The following MAP3K15 variants were observed in gnomAD, a reference collection of about 807,000 sequenced individuals.
The protein encoded by MAP3K15 is mitogen-activated protein kinase kinase kinase 15.
In MAP3K15, 124 loss-of-function variants were observed where a neutral mutation model predicts 99.5. The ratio of observed to expected loss-of-function variants is 1.25; its 90% CI spans 1.08 to 1.45. MAP3K15 has a LOEUF of 1.45. MAP3K15 is among the 40% of genes most tolerant of loss of function. The probability of loss-of-function intolerance (pLI) is 0.00; values close to 1 mark genes in which losing one functional copy is unlikely to be tolerated. For synonymous variants in MAP3K15, 494 were observed against 439.6 expected (o/e 1.12, Z -1.55); for missense variants, 1,242 against 1,079.7 (o/e 1.15, Z -2.11).
chrX:19,442,408 T>G (rs946187617), intron 6 of MAP3K15, among the ~76,000 whole-genome samples: 1 of 111,949 alleles, frequency 8.9e-6, no homozygotes, highest in Non-Finnish European at 1.9e-5. Flanking sequence ...ACGTTTACTT[T>G]CTACTACCAA....
At position 19,496,066 on chromosome X, in the gene MAP3K15, AT is replaced by A. The variant is rs374380661; in HGVS notation, c.362-7100del. Reference sequence around the variant, plus strand: ...GGCAGCCAGTGAACACATCACCCCAATTTTTTTTTTTTTTTTTTGAGATGGA... The same window carrying A: ...GGCAGCCAGTGAACACATCACCCCAATTTTTTTTTTTTTTTTTGAGATGGA... On this transcript the variant is annotated intron_variant, in intron 1 of 28. Coordinates refer to ENST00000338883, the MANE Select transcript of MAP3K15 (RefSeq NM_001001671.4). Among the ~76,000 whole-genome samples the A allele has an allele frequency of 0.01, 931 of 91,506 alleles. 31 individuals are homozygous for A. In the East Asian group the frequency reaches 0.13, roughly 12 times the overall value. The allele number at this position is 91,506 out of a possible 115,157, so 79.5% of individuals were successfully genotyped here. A position where few individuals can be genotyped will look rare whatever the true frequency, so the allele number is the denominator to read the frequency against.
At chrX:19,375,041 G>A (rs1165013212) in intron 19 of MAP3K15, among the ~76,000 whole-genome samples, 4 of 112,046 alleles carry the variant, frequency 3.6e-5, no homozygotes, top group Non-Finnish European at 7.5e-5. Flanking sequence ...CCATGAGGGA[G>A]GGGCCTCTCA....
At chrX:19,484,816 G>A (rs758956190) in intron 3 of MAP3K15, among the ~76,000 whole-genome samples, 1 of 111,911 alleles carries the variant, frequency 8.9e-6, no homozygotes, top group East Asian at 2.8e-4. Flanking sequence ...GATGTTGAGG[G>A]CTAGAAGGTA....
chrX:19,379,441 CTTTTTT>C (rs770431394), intron 19 of MAP3K15, among the ~76,000 whole-genome samples: 16 of 62,319 alleles, frequency 2.6e-4, no homozygotes, highest in African/African-American at 7.7e-4. Context: ...AGTGTTTTTC[CTTTTTT>C]TTTTTTTTTT....
chrX:19,389,296 G>C (rs2063511582), intron 18 of MAP3K15, among the ~76,000 whole-genome samples: 1 of 95,228 alleles, frequency 1.1e-5, no homozygotes, highest in Non-Finnish European at 2.0e-5. Flanking sequence ...CCTCGATAAG[G>C]CTGCTAAAAA....
intron 25 of MAP3K15, among the ~76,000 whole-genome samples, chrX:19,367,723 ATTTTTTTTTTTTTTTTTTTTTTTTTTTT>A (rs748998915): frequency 7.9e-4 from 19 of 24,141 alleles, no homozygotes; most frequent in African/African-American, 9.1e-4. Flanking sequence ...ATAACTATGG[ATTTTTTTTTTTTTTTTTTTTTTTTTTTT>A]TTTTTTTTTT....
rs751331619 is a variant in MAP3K15 at position 19,372,824 on chromosome X, A to G, written c.2937T>C (p.Val979=). 1.5e-5 allele frequency: 18 copies of G among 1,206,757 alleles called. No homozygotes were observed. The highest frequency in any genetic ancestry group is 2.0e-5 in the Non-Finnish European group (18 of 892,710). Residue 979 remains valine, a synonymous_variant, in exon 22 of 29, where the codon GTT becomes GTC. Transcript: ENST00000338883. The part of the protein sequence containing the change: ...PRHHLGHLLS[V]PDESSALEDR... ...CTTCCAAGGCTGAGCTCTCGTCTGG[A>G]ACACTGTGGACAAACACGTGTGACA...
intron 3 of MAP3K15, among the ~76,000 whole-genome samples, chrX:19,476,535 T>C (rs960111663): frequency 3.6e-5 from 4 of 112,187 alleles, no homozygotes; most frequent in Admixed American, 9.4e-5. Context: ...TCAACAGATA[T>C]AATTATTTGT....
intron 18 of MAP3K15, among the ~76,000 whole-genome samples, chrX:19,380,586 C>T (rs1004779870): frequency 2.7e-5 from 3 of 111,132 alleles, no homozygotes; most frequent in African/African-American, 9.8e-5. Context: ...AGTGCAGTGG[C>T]GTGATCTCGG....
intron 9 of MAP3K15, among the ~76,000 whole-genome samples, chrX:19,417,730 G>A (rs776601425): frequency 8.9e-6 from 1 of 112,053 alleles, no homozygotes; most frequent in South Asian, 3.7e-4. Flanking sequence ...ATCTGAGAAT[G>A]GACAGACTGC....
chrX:19,415,641 T>G (rs964925514), intron 9 of MAP3K15, among the ~76,000 whole-genome samples: 5 of 111,080 alleles, frequency 4.5e-5, no homozygotes, highest in African/African-American at 1.6e-4. Context: ...TTTTTCCCAA[T>G]AGATACATTG....
intron 1 of MAP3K15, chrX:19,497,733 T>C (rs2064416272): frequency 9.0e-6 from 1 of 111,269 alleles, no homozygotes; most frequent in African/African-American, 3.3e-5. Flanking sequence ...TGATGCAACA[T>C]GGCTGGCATT....
intron 1 of MAP3K15, among the ~76,000 whole-genome samples, chrX:19,508,956 G>A (rs957835739): frequency 1.8e-4 from 20 of 111,364 alleles, no homozygotes; most frequent in African/African-American, 6.5e-4. Context: ...ACACAAATGG[G>A]ACATGCCCTG....
chrX:19,466,832 C>G (rs1211509029), intron 3 of MAP3K15: 1 of 111,720 alleles, frequency 9.0e-6, no homozygotes, highest in Non-Finnish European at 1.9e-5. Flanking sequence ...TTCCCAGATC[C>G]TATCCCCAGA....
In MAP3K15 at chrX:19,433,186, T is replaced by C. The variant is rs147052793; in HGVS notation, c.996-1578A>G. 1.8e-3 allele frequency among the ~76,000 whole-genome samples: 198 copies of C among 111,455 alleles called. 2 individuals carry two copies. The highest frequency in any genetic ancestry group is 0.014 in the Middle Eastern group (3 of 218). On this transcript the variant is annotated intron_variant, in intron 6 of 28. Transcript: ENST00000338883. Reference sequence around the variant, plus strand: ...TGGATATGGGGTAGATGGGGGTTTATTATTGTGATGGTTAATTTTATGTGT... The same window carrying C: ...TGGATATGGGGTAGATGGGGGTTTACTATTGTGATGGTTAATTTTATGTGT...
intron 16 of MAP3K15, among the ~76,000 whole-genome samples, chrX:19,394,789 CTTTTTT>C (rs144723219): frequency 1.1e-3 from 20 of 17,503 alleles, no homozygotes; most frequent in Admixed American, 2.2e-3. Flanking sequence ...GGGTCTGTTG[CTTTTTT>C]TTTTTTTTTT....
At position 19,391,251 on chromosome X, in the gene MAP3K15, C is replaced by T. The variant is rs2063525102; in HGVS notation, c.2431+751G>A. On this transcript the variant is annotated intron_variant, in intron 18 of 28. Coordinates refer to ENST00000338883, the MANE Select transcript of MAP3K15 (RefSeq NM_001001671.4). ...GTAACAGGCTATTTTTATGACAGAC[C>T]AATAAAATGTCTTAATCAGTTGTCT... 2.7e-5 allele frequency among the ~76,000 whole-genome samples: 3 copies of T among 111,923 alleles called. No homozygotes were observed. In the Admixed American group the frequency reaches 2.8e-4, roughly 11 times the overall value.
chrX:19,450,887 CAA>C lies in MAP3K15; in HGVS notation c.995+6024_995+6025del, dbSNP rs147599064. On this transcript the variant is annotated intron_variant, in intron 6 of 28. Coordinates refer to ENST00000338883, the MANE Select transcript of MAP3K15 (RefSeq NM_001001671.4). ...TCAGAAGATAAGATGGTTCATTTAT[CAA>C]AAAAAAAAAATACAACTGGCTTTTT... Among the ~76,000 whole-genome samples, 41 of 101,654 alleles carry C rather than the reference CAA, an allele frequency of 4.0e-4. 1 individual carries two copies. The highest frequency in any genetic ancestry group is 1.5e-3 in the East Asian group (5 of 3,401). 88.3% of individuals were successfully genotyped at this position (101,654 alleles called of 115,157 possible).
intron 18 of MAP3K15, among the ~76,000 whole-genome samples, chrX:19,385,717 G>T (rs779950117): frequency 9.0e-6 from 1 of 111,203 alleles, no homozygotes; most frequent in Non-Finnish European, 1.9e-5. Flanking sequence ...TAAAGGATTC[G>T]CTTAGGCTAG....
Sources: gnomAD v4.1 joint callset for allele counts (sites outside exome capture counted in the v4.1 genomes callset) on GRCh38, gnomAD v4.1.1 for gene constraint, MANE v1.5 for transcripts, NCBI Gene and HGNC (gene_info 2026-07-23, HGNC 2026-07-21) for gene names.